SLC35F4: variants seen among roughly 807,000 people sequenced by gnomAD.
The protein encoded by SLC35F4 is solute carrier family 35 member F4, also known as chromosome 14 open reading frame 36.
SLC35F4 carries 24 observed loss-of-function variants against 44.2 expected under a neutral mutation model. The observed-to-expected ratio is 0.54, with a 90% CI of 0.39 to 0.76. SLC35F4 has a LOEUF of 0.76. Among genes scored for constraint, SLC35F4 ranks in the 30% least tolerant of loss-of-function variants. SLC35F4 has a pLI of 0.00. For synonymous variants in SLC35F4, 238 were observed against 223.6 expected (o/e 1.06, Z -0.57); for missense variants, 562 against 586.1 (o/e 0.96, Z 0.42).
chr14:57,885,434 G>C lies in SLC35F4; in HGVS notation n.282+96479C>G, dbSNP rs114010590. Among the ~76,000 whole-genome samples the C allele has an allele frequency of 5.2e-3, 787 of 152,272 alleles. 3 individuals are homozygous for C. Among genetic ancestry groups the C allele is most frequent in the African/African-American group, 0.018 (728 of 41,558 alleles). ...ATTGTTGATGTTTGACTGAATAACA[G>C]AACTATAATACGTGCAGTTTCAGCT... On this transcript the variant is annotated intron_variant and non_coding_transcript_variant, in intron 1 of 1. Coordinates refer to the SLC35F4 transcript ENST00000556568.
chr14:57,713,065 C>G (rs1390683720), intron 1 of SLC35F4, among the ~76,000 whole-genome samples: 1 of 152,178 alleles, frequency 6.6e-6, no homozygotes, highest in Non-Finnish European at 1.5e-5. Flanking sequence ...AACCCTCTTT[C>G]CAGATTAAAT....
At chr14:57,575,991 TTTTTTTC>T (rs1210495335) in intron 4 of SLC35F4, among the ~76,000 whole-genome samples, 32 of 141,374 alleles carry the variant, frequency 2.3e-4, no homozygotes, top group Admixed American at 2.0e-3. Flanking sequence ...TTGTATCTTT[TTTTTTTC>T]TTTTTTCTTT....
chr14:57,666,767 A>T (rs938370474), intron 1 of SLC35F4, among the ~76,000 whole-genome samples: 4 of 152,096 alleles, frequency 2.6e-5, no homozygotes, highest in African/African-American at 9.7e-5. Flanking sequence ...CAGGCAAGAA[A>T]GCTATCAGGG....
At chr14:57,961,388 G>A (rs17094008) in intron 1 of SLC35F4, among the ~76,000 whole-genome samples, 17,522 of 152,114 alleles carry the variant, frequency 0.12, 1,779 homozygotes, top group African/African-American at 0.27. Flanking sequence ...GAGTAAACAC[G>A]TCCTGAGGAG....
intron 1 of SLC35F4, among the ~76,000 whole-genome samples, chr14:57,879,067 T>C (rs1888462986): frequency 6.6e-6 from 1 of 152,152 alleles, no homozygotes; most frequent in Non-Finnish European, 1.5e-5. Flanking sequence ...GATCCACTTC[T>C]AAAGAGGAAC....
chr14:57,567,027 T>A (rs565160696), intron 6 of SLC35F4, among the ~76,000 whole-genome samples: 1 of 152,344 alleles, frequency 6.6e-6, no homozygotes, highest in Non-Finnish European at 1.5e-5. Context: ...TTTTATTCCC[T>A]CTCTCTGGAG....
At chr14:57,813,215 C>T (rs891701807) in intron 1 of SLC35F4, among the ~76,000 whole-genome samples, 4 of 152,234 alleles carry the variant, frequency 2.6e-5, no homozygotes, top group Non-Finnish European at 5.9e-5. Context: ...TCCACCCCAA[C>T]ACCACGCCCT....
chr14:57,780,421 C>CA (rs1010093802), intron 1 of SLC35F4, among the ~76,000 whole-genome samples: 35 of 150,480 alleles, frequency 2.3e-4, no homozygotes, highest in African/African-American at 6.3e-4. Flanking sequence ...AAACACTACT[C>CA]AAAAAAAAAT....
At chr14:57,857,662 G>T (rs1481216241) in intron 1 of SLC35F4, among the ~76,000 whole-genome samples, 2 of 152,024 alleles carry the variant, frequency 1.3e-5, no homozygotes. Flanking sequence ...AGATAGTTTT[G>T]TGCAAAGCAA....
At chr14:57,981,233 A>C (rs1566525204) in intron 1 of SLC35F4, among the ~76,000 whole-genome samples, 1 of 152,130 alleles carries the variant, frequency 6.6e-6, no homozygotes, top group Non-Finnish European at 1.5e-5. Context: ...AGACCATCCC[A>C]CTGTGCTTGA....
intron 2 of SLC35F4, among the ~76,000 whole-genome samples, chr14:57,589,886 C>T (rs984299520): frequency 2.0e-5 from 3 of 152,152 alleles, no homozygotes; most frequent in Non-Finnish European, 2.9e-5. Context: ...CATAACACCT[C>T]CCATAAGAAG....
At chr14:57,780,870 A>T (rs1187674175) in intron 1 of SLC35F4, among the ~76,000 whole-genome samples, 4 of 152,066 alleles carry the variant, frequency 2.6e-5, no homozygotes, top group Non-Finnish European at 5.9e-5. Flanking sequence ...CCATATGCAG[A>T]ACATTGAAAC....
chr14:57,843,095 C>T (rs760153221), intron 1 of SLC35F4, among the ~76,000 whole-genome samples: 13 of 152,170 alleles, frequency 8.5e-5, no homozygotes, highest in East Asian at 3.9e-4. Context: ...AAGGCATTGT[C>T]GGCTTCCCTA....
At chr14:57,949,305 T>C (rs1360425832) in intron 1 of SLC35F4, among the ~76,000 whole-genome samples, 3 of 152,160 alleles carry the variant, frequency 2.0e-5, no homozygotes, top group Admixed American at 6.5e-5. Context: ...TTATTTACTG[T>C]TGTTGCTTTA....
chr14:57,564,402 A>G (rs925598580), intron 7 of SLC35F4, 26 bp from the exon 8 acceptor site: 3 of 1,585,626 alleles, frequency 1.9e-6, no homozygotes, highest in African/African-American at 2.7e-5. Context: ...CAAGTCAGTC[A>G]TTTCCTATGC....
intron 1 of SLC35F4, among the ~76,000 whole-genome samples, chr14:57,721,757 C>A (rs556595320): frequency 8.5e-5 from 13 of 152,258 alleles, no homozygotes; most frequent in South Asian, 2.1e-4. Context: ...CTCTGATGAA[C>A]CTTTTTTGCC....
intron 1 of SLC35F4, among the ~76,000 whole-genome samples, chr14:57,828,322 A>G (rs894775350): frequency 6.6e-6 from 1 of 152,164 alleles, no homozygotes; most frequent in Non-Finnish European, 1.5e-5. Context: ...GACTGAAACC[A>G]CCACATCAGA....
At chr14:57,820,137 C>T (rs1383793383) in intron 1 of SLC35F4, among the ~76,000 whole-genome samples, 1 of 152,002 alleles carries the variant, frequency 6.6e-6, no homozygotes, top group African/African-American at 2.4e-5. Context: ...GTATTAAAAT[C>T]CTACACATGA....
intron 1 of SLC35F4, among the ~76,000 whole-genome samples, chr14:57,968,675 A>T (rs969014206): frequency 6.6e-6 from 1 of 152,154 alleles, no homozygotes; most frequent in African/African-American, 2.4e-5. Context: ...AACTCTGGGG[A>T]TAATACCTGG....
Sources: gnomAD v4.1 joint callset for allele counts (sites outside exome capture counted in the v4.1 genomes callset) on GRCh38, gnomAD v4.1.1 for gene constraint, MANE v1.5 for transcripts, NCBI Gene and HGNC (gene_info 2026-07-23, HGNC 2026-07-21) for gene names.